The following ZNF469 variants were observed in gnomAD, a reference collection of about 807,000 sequenced individuals.
ZNF469 encodes zinc finger protein 469.
ZNF469 carries 1 observed loss-of-function variant against 1.0 expected under a neutral mutation model. The ratio of observed to expected loss-of-function variants is 1.00; its 90% confidence interval spans 0.35 to 4.73. ZNF469 has a LOEUF of 4.73. ZNF469 is among the 30% of genes most tolerant of loss of function. ZNF469 has a pLI of 0.16. For synonymous variants in ZNF469, 2,703 were observed against 2,363.4 expected, an observed-to-expected ratio of 1.14 and a Z score of -4.17; for missense variants, 6,100 against 5,356.3, an observed-to-expected ratio of 1.14 and a Z score of -4.33.
In ZNF469 at chr16:88,430,501, CG is replaced by C. The variant is rs1555519050; in HGVS notation, c.3034del (p.Val1012SerfsTer41). The C allele has an allele frequency of 7.0e-7, 1 of 1,420,700 alleles. No individual in the cohort carries two copies. The highest frequency in any genetic ancestry group is 1.5e-5 in the African/African-American group (1 of 66,098). 88.0% of individuals were successfully genotyped at this position (1,420,700 alleles called of 1,614,324 possible). Reference protein sequence around the residue: ...APGSRADPAPRVPRAAALPEE... With the variant: ...APGSRADPAPXVPRAAALPEE... ...CGGGAGCCGCGCAGACCCCGCGCCC[CG>C]GGTCCCGAGAGCCGCCGCCCTCCCC... On this transcript the variant is annotated frameshift_variant, in exon 3 of 3. Transcript: ENST00000565624. LOFTEE classifies it low-confidence loss of function (END_TRUNC).
At chr16:88,265,128 G>A in the ZNF469 span, among the ~76,000 whole-genome samples, 15 of 152,248 alleles carry the variant, frequency 9.9e-5, no homozygotes, top group Admixed American at 7.2e-4. Context: ...AGGCCAAGGC[G>A]CTGTCTGGAT....
In ZNF469 at chr16:88,430,786, C is replaced by A; in HGVS notation, c.3316C>A (p.Pro1106Thr). 6.6e-7 allele frequency: 1 copy of A among 1,526,044 alleles called. No individual in the cohort carries two copies. 94.5% of individuals were successfully genotyped at this position (1,526,044 alleles called of 1,614,324 possible). ...GTCCGAGGAGGACGAGCAGCCTCCGCCGCGGGGCCCCGGCTTCAGAGGCCG... is the reference window on the plus strand; with the variant it reads ...GTCCGAGGAGGACGAGCAGCCTCCGACGCGGGGCCCCGGCTTCAGAGGCCG... Reference protein sequence around the residue: ...SESEEDEQPPPRGPGFRGRRG... With the variant: ...SESEEDEQPPTRGPGFRGRRG... Residue 1106 changes from proline to threonine, a missense_variant, in exon 3 of 3, where the codon CCG (proline) becomes ACG (threonine). Physicochemically the swap from Pro to Thr is conservative, Grantham distance 38. Coordinates refer to ENST00000565624, the MANE Select transcript of ZNF469 (RefSeq NM_001367624.2).
At chr16:88,316,463 C>T in the ZNF469 span, among the ~76,000 whole-genome samples, 185 of 151,980 alleles carry the variant, frequency 1.2e-3, 1 homozygote, top group African/African-American at 4.2e-3. Flanking sequence ...GACATGCAGA[C>T]ACCCCGACGG....
chr16:88,138,150 A>G, the ZNF469 span, among the ~76,000 whole-genome samples: 48 of 152,364 alleles, frequency 3.2e-4, no homozygotes, highest in African/African-American at 1.1e-3. Flanking sequence ...AGAATGTTCC[A>G]TGGACTCTTT....
chr16:88,315,374 G>A, the ZNF469 span, among the ~76,000 whole-genome samples: 1 of 152,226 alleles, frequency 6.6e-6, no homozygotes, highest in Non-Finnish European at 1.5e-5. Context: ...CACAGACCCA[G>A]GAAGTGGGGG....
At chr16:88,336,207 G>A in the ZNF469 span, among the ~76,000 whole-genome samples, 6 of 146,740 alleles carry the variant, frequency 4.1e-5, no homozygotes, top group East Asian at 8.2e-4. Context: ...ACACTAACAC[G>A]CCAATACCAC....
chr16:88,266,008 C>T, the ZNF469 span, among the ~76,000 whole-genome samples: 3 of 152,270 alleles, frequency 2.0e-5, no homozygotes, highest in Admixed American at 2.0e-4. Flanking sequence ...GCTCCCCACC[C>T]CCAACAAGCT....
At chr16:88,391,394 A>G (rs1411434936) in intron 1 of ZNF469, among the ~76,000 whole-genome samples, 1 of 152,256 alleles carries the variant, frequency 6.6e-6, no homozygotes. Flanking sequence ...CCCAGGTCCC[A>G]GCATCCACAG....
At chr16:88,205,303 G>C in the ZNF469 span, among the ~76,000 whole-genome samples, 1 of 152,170 alleles carries the variant, frequency 6.6e-6, no homozygotes, top group Non-Finnish European at 1.5e-5. The surrounding 1 kb of genome is among the most constrained non-coding windows in gnomAD (Gnocchi z 4.2). Context: ...TTCCTCGAAG[G>C]GTTTTTTAGG....
the ZNF469 span, among the ~76,000 whole-genome samples, chr16:88,362,216 C>G: frequency 6.6e-6 from 1 of 152,130 alleles, no homozygotes; most frequent in East Asian, 1.9e-4. Context: ...GAATTGTATA[C>G]CAATTCCAAT....
upstream of ZNF469, among the ~76,000 whole-genome samples, chr16:88,380,455 A>G (rs1290987421): frequency 3.0e-5 from 4 of 132,084 alleles, no homozygotes; most frequent in Non-Finnish European, 6.0e-5. Flanking sequence ...ACACACAGAC[A>G]TGCACACACA....
At chr16:88,245,081 G>A in the ZNF469 span, among the ~76,000 whole-genome samples, 39 of 151,700 alleles carry the variant, frequency 2.6e-4, no homozygotes, top group Non-Finnish European at 4.3e-4. Flanking sequence ...TCCGAGGGAA[G>A]GAGCATTTGG....
At chr16:88,247,580 G>C in the ZNF469 span, among the ~76,000 whole-genome samples, 1 of 149,956 alleles carries the variant, frequency 6.7e-6, no homozygotes, top group Admixed American at 6.7e-5. Flanking sequence ...GACTGAGTGA[G>C]TGAATGACTG....
chr16:88,394,404 T>G (rs1402022883), intron 1 of ZNF469, among the ~76,000 whole-genome samples: 1 of 152,226 alleles, frequency 6.6e-6, no homozygotes, highest in Non-Finnish European at 1.5e-5. Flanking sequence ...ATGATACATT[T>G]CATTTAGCCC....
chr16:88,275,962 G>T, the ZNF469 span, among the ~76,000 whole-genome samples: 1 of 152,198 alleles, frequency 6.6e-6, no homozygotes, highest in Admixed American at 6.5e-5. Context: ...CCCATAAAGT[G>T]CAGAGTCCAT....
chr16:88,283,231 C>T, the ZNF469 span, among the ~76,000 whole-genome samples: 1 of 151,864 alleles, frequency 6.6e-6, no homozygotes, highest in Non-Finnish European at 1.5e-5. Flanking sequence ...GGATTTCAGT[C>T]ACCCGAGGGA....
At chr16:88,405,465 C>T (rs1201740923) in intron 1 of ZNF469, among the ~76,000 whole-genome samples, 1 of 152,174 alleles carries the variant, frequency 6.6e-6, no homozygotes, top group Non-Finnish European at 1.5e-5. Context: ...CCATGAGTTT[C>T]CCCAGCGTGC....
chr16:88,327,545 G>A, the ZNF469 span, among the ~76,000 whole-genome samples: 6 of 151,942 alleles, frequency 3.9e-5, no homozygotes, highest in Middle Eastern at 3.4e-3. Flanking sequence ...AACATATCAC[G>A]TTGGGGTTGG....
At position 88,429,561 on chromosome 16, in the gene ZNF469, G is replaced by A; in HGVS notation, c.2091G>A (p.Val697=). ...CATTCCCCCACGAGGGCCCCGAGGTGGGTCGGGGAGGGCTGCAGGGCTTCC... is the reference window on the plus strand; with the variant it reads ...CATTCCCCCACGAGGGCCCCGAGGTAGGTCGGGGAGGGCTGCAGGGCTTCC... ...ETPFPHEGPE[V]GRGGLQGFPR... Residue 697 remains valine (V), a synonymous_variant, in exon 3 of 3, where the codon GTG becomes GTA. Coordinates refer to ENST00000565624, the MANE Select transcript of ZNF469 (RefSeq NM_001367624.2). The A allele has an allele frequency of 6.5e-7, 1 of 1,550,104 alleles. No homozygotes were observed. The highest frequency in any genetic ancestry group is 1.2e-5 in the South Asian group (1 of 84,060).
Sources: gnomAD v4.1 joint callset for allele counts (sites outside exome capture counted in the v4.1 genomes callset) on GRCh38, gnomAD v4.1.1 for gene constraint, Gnocchi (gnomAD v3.1) non-coding constraint, MANE v1.5 for transcripts, NCBI Gene and HGNC (gene_info 2026-07-23, HGNC 2026-07-21) for gene names.